LONP1: variants seen among roughly 807,000 people sequenced by gnomAD.
LONP1 encodes the protein lon peptidase 1, mitochondrial, also known as lon protease homolog, mitochondrial.
Under a neutral mutation model 98.5 loss-of-function variants are expected in LONP1, and 31 were observed. That is an observed-to-expected ratio of 0.31 (90% CI 0.24 to 0.42). The LOEUF (loss-of-function observed/expected upper bound fraction) is 0.42, where lower values mean the gene tolerates loss of function less well. Ranked by LOEUF, LONP1 falls within the 20% of genes least tolerant of loss-of-function variation. The pLI, the probability that LONP1 is intolerant of heterozygous loss-of-function variation, is 1.00. For missense variants in LONP1, 1,336 were observed against 1,350.6 expected (o/e 0.99, Z 0.17); for synonymous variants, 781 against 594.7 (o/e 1.31, Z -4.56).
At chr19:5,695,199 AC>A (rs1242417579) in intron 13 of LONP1, among the ~76,000 whole-genome samples, 1 of 151,884 alleles carries the variant, frequency 6.6e-6, no homozygotes, top group Non-Finnish European at 1.5e-5. Context: ...CCATACACAG[AC>A]CCAGGGCCTG....
intron 1 of LONP1, among the ~76,000 whole-genome samples, chr19:5,715,550 G>A (rs2055302883): frequency 1.4e-5 from 2 of 144,604 alleles, no homozygotes; most frequent in African/African-American, 5.1e-5. Context: ...GCTGAGGCAG[G>A]AGAATGGCGT....
rs776791215 is a variant in LONP1 at position 5,694,466 on chromosome 19, C to G, written c.2241G>C (p.Gly747=). The G allele has an allele frequency of 6.2e-7, 1 of 1,613,476 alleles. No homozygotes were observed. The highest frequency in any genetic ancestry group is 8.5e-7 in the Non-Finnish European group (1 of 1,180,024). Residue 747 remains glycine (G), a synonymous_variant, in exon 15 of 18, where the codon GGG becomes GGC. Transcript: ENST00000360614. ...TGCGCTCCACGGTGAACACGGGCTT[C>G]CCCACGAAGTCCTGCAGGTTCTCGG... ...VTPENLQDFV[G]KPVFTVERMY...
chr19:5,693,695 T>G lies in LONP1; in HGVS notation c.2395A>C (p.Ser799Arg). 1 of 1,614,090 alleles carries G rather than the reference T, an allele frequency of 6.2e-7. No individual in the cohort carries two copies. The highest frequency in any genetic ancestry group is 8.5e-7 in the Non-Finnish European group (1 of 1,179,984). The change falls in exon 16 of 18, where the codon AGC becomes CGC. Residue 799 changes from serine to arginine, a missense_variant. Around this residue, in one of 5 missense-constraint regions of LONP1, gnomAD observed 555 missense variants for 542.6 expected, o/e 1.02. Coordinates refer to ENST00000360614, the MANE Select transcript of LONP1 (RefSeq NM_004793.4). ...DKDAKGDKDGSLEVTGQLGEV... is the reference protein window; with the variant it reads ...DKDAKGDKDGRLEVTGQLGEV... ...CCCAGCTGGCCTGTCACCTCCAGGC[T>G]GCCATCCTTGTCACCCTTGGCATCC...
At chr19:5,716,259 C>CATATACATAT (rs2055317993) in intron 1 of LONP1, among the ~76,000 whole-genome samples, 1 of 77,234 alleles carries the variant, frequency 1.3e-5, no homozygotes, top group African/African-American at 5.3e-5. Flanking sequence ...TTAAAATATA[C>CATATACATAT]ATATATATAT....
rs2054830834 is a variant in LONP1 at position 5,691,984 on chromosome 19, G to A, written c.*48C>T. Reference sequence around the variant, plus strand: ...CGCGCTCCCCACAGCGCTCAGTTCTGGCCCAGACAGGGCCTGACATCCGCC... The same window carrying A: ...CGCGCTCCCCACAGCGCTCAGTTCTAGCCCAGACAGGGCCTGACATCCGCC... On this transcript the variant is annotated 3_prime_UTR_variant, in exon 18 of 18. Coordinates refer to ENST00000360614, the MANE Select transcript of LONP1 (RefSeq NM_004793.4). 6.3e-7 allele frequency: 1 copy of A among 1,584,472 alleles called. No homozygotes were observed. The highest frequency in any genetic ancestry group is 1.3e-5 in the African/African-American group (1 of 74,428).
intron 17 of LONP1, 124 bp downstream of exon 17, chr19:5,693,174 C>G (rs1184818189): frequency 8.1e-7 from 1 of 1,236,820 alleles, no homozygotes; most frequent in Non-Finnish European, 1.1e-6. Context: ...CCAGAGAGAC[C>G]TGCTTCCAAA....
chr19:5,711,138 C>G (rs2055230817), intron 4 of LONP1, among the ~76,000 whole-genome samples: 1 of 152,228 alleles, frequency 6.6e-6, no homozygotes, highest in Non-Finnish European at 1.5e-5. Flanking sequence ...CTGCCAGCGC[C>G]CACAGCAGAC....
intron 2 of LONP1, 53 bp from the exon 3 acceptor site, chr19:5,713,306 G>A: frequency 6.2e-7 from 1 of 1,605,724 alleles, no homozygotes; most frequent in Non-Finnish European, 8.5e-7. Context: ...ATGCTAGGCA[G>A]GATGTCTCTG....
At chr19:5,714,325 CAG>C (rs1045793191) in intron 1 of LONP1, 54 bp from the exon 2 acceptor site, 14 of 1,238,738 alleles carry the variant, frequency 1.1e-5, no homozygotes, top group East Asian at 2.4e-5. Flanking sequence ...TTTTTTGAGA[CAG>C]AGTCTCATTC....
At chr19:5,694,266 C>T (rs1159446603) in intron 15 of LONP1, 121 bp downstream of exon 15, 3 of 1,340,334 alleles carry the variant, frequency 2.2e-6, no homozygotes, top group Non-Finnish European at 3.0e-6. Context: ...GCACACCACC[C>T]CCCGCCAGAG....
Position 5,693,545 on chromosome 19 carries a change from C to T in LONP1, c.2538+7G>A, listed in dbSNP as rs554412210. The T allele has an allele frequency of 1.4e-5, 23 of 1,613,904 alleles. No individual in the cohort carries two copies. In the Admixed American group the frequency reaches 2.5e-4, roughly 18 times the overall value. ...CGGGAGCAGGTGGGAGCGGATGGCG[C>T]GGTCACCTCGGGCACATGCAGGTGG... On this transcript the variant is annotated splice_region_variant and intron_variant, in intron 16 of 17. Transcript: ENST00000360614.
At chr19:5,695,909 C>G (rs1023572879) in intron 13 of LONP1, 145 bp downstream of exon 13, 5 of 674,016 alleles carry the variant, frequency 7.4e-6, no homozygotes, top group South Asian at 1.9e-5. Context: ...TCTGGTGTGT[C>G]TCTCACGGCC....
At chr19:5,697,976 C>T (rs537445424) in intron 10 of LONP1, among the ~76,000 whole-genome samples, 2 of 147,652 alleles carry the variant, frequency 1.4e-5, no homozygotes, top group Admixed American at 6.8e-5. Context: ...GGGTGCCCCC[C>T]ACCCCCACCC....
intron 1 of LONP1, 109 bp downstream of exon 1, chr19:5,719,595 T>C: frequency 6.4e-7 from 1 of 1,566,418 alleles, no homozygotes. Flanking sequence ...TTCGAGAAAC[T>C]TCATGTCTGA....
rs948098612 is a variant in LONP1 at position 5,711,878 on chromosome 19, G to A, written c.763C>T (p.Pro255Ser). Residue 255 changes from proline (P) to serine (S), a missense_variant, in exon 4 of 18, where the codon CCG becomes TCG. Physicochemically the swap from Pro to Ser is moderately conservative, Grantham distance 74. Transcript: ENST00000360614. ...GTGGGCTCCATCGCCAGCTCCGCCGGGTGCCTGGCGCTCAGCTCGTCCTCC... is the reference window on the plus strand; with the variant it reads ...GTGGGCTCCATCGCCAGCTCCGCCGAGTGCCTGGCGCTCAGCTCGTCCTCC... ...EAEDELSARH[P>S]AELAMEPTPE... The A allele has an allele frequency of 1.2e-6, 2 of 1,612,912 alleles. No individual in the cohort carries two copies. The highest frequency in any genetic ancestry group is 1.1e-5 in the South Asian group (1 of 91,080).
In LONP1 at chr19:5,693,366, T is replaced by G. The variant is rs776983324; in HGVS notation, c.2635A>C (p.Met879Leu). The change falls in exon 17 of 18, where the codon ATG (methionine) becomes CTG (leucine). Residue 879 changes from methionine (M) to leucine (L), a missense_variant. Met to Leu is a conservative substitution (Grantham distance 15). This residue lies in a region of LONP1 where 555 missense variants were observed against 542.6 expected (regional missense o/e 1.02). Coordinates refer to ENST00000360614, the MANE Select transcript of LONP1 (RefSeq NM_004793.4). Reference protein sequence around the residue: ...MGRPVRQNLAMTGEVSLTGKI... With the variant: ...MGRPVRQNLALTGEVSLTGKI... ...CCCGTGAGGGAGACTTCGCCAGTCATGGCCAGATTCTGCCGGACAGGCCTG... is the reference window on the plus strand; with the variant it reads ...CCCGTGAGGGAGACTTCGCCAGTCAGGGCCAGATTCTGCCGGACAGGCCTG... The G allele has an allele frequency of 6.2e-7, 1 of 1,613,434 alleles. No individual in the cohort carries two copies. The highest frequency in any genetic ancestry group is 8.5e-7 in the Non-Finnish European group (1 of 1,179,916).
rs186704578 is a variant in LONP1 at position 5,714,572 on chromosome 19, C to G, written c.430-301G>C. On this transcript the variant is annotated intron_variant, in intron 1 of 17. Transcript: ENST00000360614. ...CACCCACCTCAGCCTCCCAAAATGC[C>G]GGGATTATAGGCGTGAGCCACCAAA... Among the ~76,000 whole-genome samples the G allele has an allele frequency of 2.7e-3, 401 of 146,502 alleles. 1 individual carries two copies. Among genetic ancestry groups the G allele is most frequent in the Middle Eastern group, 4.0e-3 (1 of 248 alleles).
At chr19:5,714,395 ACT>A in intron 1 of LONP1, 124 bp from the exon 2 acceptor site, 2 of 654,978 alleles carry the variant, frequency 3.1e-6, no homozygotes, top group Admixed American at 5.0e-5. Context: ...CTCCACCCCC[ACT>A]GAGTTCAAGG....
At chr19:5,714,310 A>G (rs368810787) in intron 1 of LONP1, 39 bp from the exon 2 acceptor site, 6 of 1,360,400 alleles carry the variant, frequency 4.4e-6, no homozygotes, top group Non-Finnish European at 6.1e-6. Flanking sequence ...TGCAGAGTAG[A>G]TTTTTTTTTT....
Sources: gnomAD v4.1 joint callset for allele counts (sites outside exome capture counted in the v4.1 genomes callset) on GRCh38, gnomAD v4.1.1 for gene constraint, gnomAD v4.1.1 regional missense constraint, MANE v1.5 for transcripts, NCBI Gene and HGNC (gene_info 2026-07-23, HGNC 2026-07-21) for gene names.